OSBPL9: variants seen among roughly 807,000 people sequenced by gnomAD.
The protein encoded by OSBPL9 is oxysterol binding protein like 9.
OSBPL9 carries 40 observed loss-of-function variants against 106.6 expected under a neutral mutation model. The ratio of observed to expected loss-of-function variants is 0.38; its 90% CI spans 0.29 to 0.49. The LOEUF is 0.49. Ranked by LOEUF, OSBPL9 falls within the 20% of genes least tolerant of loss-of-function variation. OSBPL9 has a pLI of 0.97. For synonymous variants in OSBPL9, 269 were observed against 295.4 expected (o/e 0.91, Z 0.92); for missense variants, 609 against 887.2 (o/e 0.69, Z 3.98).
At chr1:51,593,258 C>G (rs1164612295) in intron 1 of OSBPL9, among the ~76,000 whole-genome samples, 1 of 152,116 alleles carries the variant, frequency 6.6e-6, no homozygotes, top group Non-Finnish European at 1.5e-5. Flanking sequence ...TTACAATAGC[C>G]TCCTGGATGG....
intron 7 of OSBPL9, among the ~76,000 whole-genome samples, chr1:51,749,085 CAA>C (rs775561523): frequency 8.2e-5 from 11 of 134,492 alleles, no homozygotes; most frequent in Admixed American, 7.5e-5. Context: ...AACTGTGTCT[CAA>C]AAAAAAAAAA....
intron 2 of OSBPL9, among the ~76,000 whole-genome samples, chr1:51,662,934 T>C (rs149681917): frequency 2.6e-5 from 4 of 151,742 alleles, no homozygotes; most frequent in African/African-American, 2.4e-5. Flanking sequence ...TTAGTAGAGA[T>C]GGGGTTTCAC....
intron 1 of OSBPL9, among the ~76,000 whole-genome samples, chr1:51,583,207 T>C (rs1046992452): frequency 1.3e-5 from 2 of 152,098 alleles, no homozygotes; most frequent in Non-Finnish European, 2.9e-5. Context: ...TATGCCGAGA[T>C]AAGATTTGAA....
At chr1:51,615,728 C>G (rs1315683482), upstream of OSBPL9, among the ~76,000 whole-genome samples, 1 of 152,208 alleles carries the variant, frequency 6.6e-6, no homozygotes, top group Non-Finnish European at 1.5e-5. Context: ...ATTTGCACGG[C>G]TGGCCTTTTC....
At chr1:51,744,860 C>T (rs1177393809) in intron 4 of OSBPL9, among the ~76,000 whole-genome samples, 1 of 152,198 alleles carries the variant, frequency 6.6e-6, no homozygotes, top group Non-Finnish European at 1.5e-5. Context: ...CATGCAAATG[C>T]TGCACTTTTA....
At chr1:51,546,528 T>C in the OSBPL9 span, among the ~76,000 whole-genome samples, 3 of 151,702 alleles carry the variant, frequency 2.0e-5, no homozygotes, top group African/African-American at 7.3e-5. Flanking sequence ...AAAACCTGTC[T>C]CTACTAAAAA....
At chr1:51,564,052 C>CAAAAAAAAAAAAAAAAAAAAAAA in the OSBPL9 span, among the ~76,000 whole-genome samples, 9 of 27,382 alleles carry the variant, frequency 3.3e-4, 1 homozygote, top group East Asian at 1.7e-3. Flanking sequence ...GAGATCATCT[C>CAAAAAAAAAAAAAAAAAAAAAAA]AAAAAAAAAA....
At chr1:51,664,058 C>T (rs1202257551) in intron 2 of OSBPL9, among the ~76,000 whole-genome samples, 2 of 152,110 alleles carry the variant, frequency 1.3e-5, no homozygotes, top group Admixed American at 1.3e-4. Context: ...CTTTTGAGGA[C>T]GATTTGATAG....
At chr1:51,758,808 T>C (rs1056339418) in intron 9 of OSBPL9, among the ~76,000 whole-genome samples, 7 of 152,188 alleles carry the variant, frequency 4.6e-5, no homozygotes, top group African/African-American at 1.7e-4. Context: ...TTGTAAAGCA[T>C]TTGGAGTTAT....
intron 2 of OSBPL9, among the ~76,000 whole-genome samples, chr1:51,606,297 T>C (rs573134667): frequency 6.6e-6 from 1 of 152,374 alleles, no homozygotes; most frequent in African/African-American, 2.4e-5. Flanking sequence ...ACACAGACTC[T>C]GAGATCCTTG....
At chr1:51,780,304 A>AAT (rs1019056619) in intron 15 of OSBPL9, among the ~76,000 whole-genome samples, 73 of 152,278 alleles carry the variant, frequency 4.8e-4, no homozygotes, top group African/African-American at 1.7e-3. Flanking sequence ...TGGAAAACAG[A>AAT]ATAGAGATGC....
At chr1:51,529,623 A>T in the OSBPL9 span, among the ~76,000 whole-genome samples, 1 of 152,104 alleles carries the variant, frequency 6.6e-6, no homozygotes, top group East Asian at 1.9e-4. Context: ...GAGAGTTCAA[A>T]CTAACTCTAT....
intron 1 of OSBPL9, among the ~76,000 whole-genome samples, chr1:51,626,669 C>T (rs930048006): frequency 6.6e-6 from 1 of 151,846 alleles, no homozygotes; most frequent in African/African-American, 2.4e-5. Context: ...TGCCACCACA[C>T]GAGCTAATTT....
intron 16 of OSBPL9, 34 bp downstream of exon 16, chr1:51,781,369 A>C (rs187066897): frequency 1.3e-5 from 21 of 1,580,482 alleles, no homozygotes; most frequent in Non-Finnish European, 1.7e-5. Context: ...AAATTATCTT[A>C]ATTGTATACT....
At chr1:51,619,391 C>T (rs568618793) in intron 1 of OSBPL9, among the ~76,000 whole-genome samples, 1 of 152,278 alleles carries the variant, frequency 6.6e-6, no homozygotes, top group African/African-American at 2.4e-5. Flanking sequence ...GTTGCCCTTT[C>T]AGTTTTTGAA....
chr1:51,705,391 A>AT (rs1557713124), intron 3 of OSBPL9, among the ~76,000 whole-genome samples: 2 of 55,352 alleles, frequency 3.6e-5, no homozygotes, highest in Non-Finnish European at 6.5e-5. Flanking sequence ...ATATATATAT[A>AT]TATATATATT....
chr1:51,664,654 T>G (rs1257669506), intron 2 of OSBPL9, among the ~76,000 whole-genome samples: 1 of 152,144 alleles, frequency 6.6e-6, no homozygotes, highest in African/African-American at 2.4e-5. Context: ...ATCATGCCAC[T>G]GCAGTCCAAC....
Position 51,779,296 on chromosome 1 carries a change from G to A in OSBPL9, c.1257-1868G>A, listed in dbSNP as rs1430153607. ...GACAAAGCAAACAAAAACATAAAGT[G>A]GGAAAAGGACACCCTTCTCAACAAA... On this transcript the variant is annotated intron_variant, in intron 15 of 23. Coordinates refer to ENST00000428468, the MANE Select transcript of OSBPL9 (RefSeq NM_024586.6). Among the ~76,000 whole-genome samples, 4 of 152,126 alleles carry A rather than the reference G, an allele frequency of 2.6e-5. No homozygotes were observed. In the East Asian group the frequency reaches 7.7e-4, roughly 29 times the overall value.
chr1:51,602,018 CTTT>C (rs758760414), intron 2 of OSBPL9, among the ~76,000 whole-genome samples: 22 of 76,396 alleles, frequency 2.9e-4, no homozygotes, highest in East Asian at 8.9e-4. Context: ...TCTTGGGGTT[CTTT>C]TTTTTTTTTT....
Sources: allele counts gnomAD v4.1 joint callset (sites outside exome capture counted in the v4.1 genomes callset), GRCh38; gene constraint gnomAD v4.1.1; transcripts MANE v1.5; gene names NCBI Gene and HGNC (gene_info 2026-07-23, HGNC 2026-07-21).